The following ADNP variants were observed in gnomAD, a reference collection of about 807,000 sequenced individuals.
The protein encoded by ADNP is activity-dependent neuroprotector homeobox protein.
In ADNP, 4 loss-of-function variants were observed where a neutral mutation model predicts 84.9. The observed-to-expected ratio is 0.05, with a 90% CI of 0.02 to 0.11. The LOEUF (loss-of-function observed/expected upper bound fraction) is 0.11. Among genes scored for constraint, ADNP ranks in the 10% least tolerant of loss-of-function variants. The pLI, the probability that ADNP is intolerant of heterozygous loss-of-function variation, is 1.00. For synonymous variants in ADNP, 554 were observed against 468.1 expected (o/e 1.18, Z -2.37); for missense variants, 1,132 against 1,326.0 (o/e 0.85, Z 2.27).
chr20:50,900,823 C>A (rs577696221), intron 5 of ADNP, among the ~76,000 whole-genome samples: 1 of 152,162 alleles, frequency 6.6e-6, no homozygotes, highest in Non-Finnish European at 1.5e-5. Flanking sequence ...AGATTCAGCG[C>A]TGATCAAAAG....
intron 5 of ADNP, 30 bp downstream of exon 5, chr20:50,901,987 C>T: frequency 4.6e-6 from 7 of 1,507,684 alleles, no homozygotes; most frequent in Non-Finnish European, 6.5e-6. Flanking sequence ...AAGCATGCTG[C>T]CATCTGAGGA....
At chr20:50,919,778 G>C (rs1983814716) in intron 2 of ADNP, among the ~76,000 whole-genome samples, 1 of 152,132 alleles carries the variant, frequency 6.6e-6, no homozygotes, top group Non-Finnish European at 1.5e-5. Flanking sequence ...GGTGTTCTAG[G>C]AACTTCTTGC....
At chr20:50,914,516 T>C in intron 2 of ADNP, 1 of 285,742 alleles carries the variant, frequency 3.5e-6, no homozygotes, top group South Asian at 7.7e-5. Context: ...CAAAGTCTTA[T>C]AAACATGTTG....
chr20:50,925,290 ACT>A (rs1491015862), intron 2 of ADNP, among the ~76,000 whole-genome samples: 1 of 150,836 alleles, frequency 6.6e-6, no homozygotes, highest in East Asian at 1.9e-4. Flanking sequence ...ACACACACAC[ACT>A]ACATAATCAA....
intron 5 of ADNP, among the ~76,000 whole-genome samples, chr20:50,901,277 T>C (rs1981948428): frequency 6.9e-6 from 1 of 144,730 alleles, no homozygotes; most frequent in Non-Finnish European, 1.5e-5. Flanking sequence ...CTGGAAAGCA[T>C]TCTCATTCTA....
At chr20:50,910,813 T>A (rs1335699515) in intron 2 of ADNP, among the ~76,000 whole-genome samples, 2 of 152,016 alleles carry the variant, frequency 1.3e-5, no homozygotes, top group Admixed American at 6.6e-5. Context: ...CGCCACCACA[T>A]TCAGCTAATT....
In ADNP at chr20:50,890,734, CG is replaced by C. The variant is rs2122728036; in HGVS notation, c.*670del. The C allele has an allele frequency of 6.1e-6, 1 of 164,308 alleles. No individual in the cohort carries two copies. Among genetic ancestry groups the C allele is most frequent in the Admixed American group, 6.5e-5 (1 of 15,310 alleles). 10.2% of individuals were successfully genotyped at this position (164,308 alleles called of 1,614,324 possible). ...CAAGAGAGTCCAGATATATATCTTA[CG>C]TGGCTGGCCTCTGTTGCAAGATTGT... On this transcript the variant is annotated 3_prime_UTR_variant, in exon 6 of 6. Coordinates refer to ENST00000621696, the MANE Select transcript of ADNP (RefSeq NM_001282531.3).
At chr20:50,896,680 T>C (rs75631202) in intron 5 of ADNP, among the ~76,000 whole-genome samples, 2,056 of 152,316 alleles carry the variant, frequency 0.013, 43 homozygotes, top group African/African-American at 0.047. Flanking sequence ...CACCTTTACA[T>C]CTTGTCCCAC....
Position 50,892,925 on chromosome 20 carries a change from C to A in ADNP, c.1789G>T (p.Val597Phe). Residue 597 changes from valine to phenylalanine, a missense_variant, in exon 6 of 6, where the codon GTT becomes TTT. Around this residue, in one of 10 missense-constraint regions of ADNP, gnomAD observed 53 missense variants for 39.8 expected, o/e 1.33. Transcript: ENST00000621696. ...ACAGGGATATCTGCCTTTTCCTGAACCTTTGGCTGTGGCTTTGGAGGAACT... is the reference window on the plus strand; with the variant it reads ...ACAGGGATATCTGCCTTTTCCTGAAACTTTGGCTGTGGCTTTGGAGGAACT... ...PPVPPKPQPK[V>F]QEKADIPVKS... 1 of 1,614,210 alleles carries A rather than the reference C, an allele frequency of 6.2e-7. No homozygotes were observed. Among genetic ancestry groups the A allele is most frequent in the East Asian group, 2.2e-5 (1 of 44,886 alleles).
rs909316388 is a variant in ADNP at position 50,895,119 on chromosome 20, C to G, written c.202-607G>C. ...TTGCAGCTAGAAATAACAAGAATAA[C>G]CTAAATGAAGGAAGTTACTAAAGAC... On this transcript the variant is annotated intron_variant, in intron 5 of 5. Transcript: ENST00000621696. Among the ~76,000 whole-genome samples the G allele has an allele frequency of 2.0e-5, 3 of 152,082 alleles. No homozygotes were observed. In the East Asian group the frequency reaches 5.8e-4, roughly 29 times the overall value.
intron 5 of ADNP, among the ~76,000 whole-genome samples, chr20:50,899,449 G>A (rs549757019): frequency 2.6e-5 from 4 of 152,144 alleles, no homozygotes; most frequent in South Asian, 2.1e-4. Flanking sequence ...GACCTCAGGC[G>A]ATCCACCTGC....
At chr20:50,913,760 C>A in intron 2 of ADNP, 1 of 427,336 alleles carries the variant, frequency 2.3e-6, no homozygotes, top group Non-Finnish European at 4.5e-6. Context: ...TTATGGTCTG[C>A]AACTTGGCCT....
At chr20:50,920,149 C>A (rs906403337) in intron 2 of ADNP, among the ~76,000 whole-genome samples, 2 of 150,452 alleles carry the variant, frequency 1.3e-5, no homozygotes, top group Non-Finnish European at 2.9e-5. Context: ...TGGTGGTGTG[C>A]GCCTGTAATC....
chr20:50,903,281 G>A (rs961342562), intron 4 of ADNP, among the ~76,000 whole-genome samples: 2 of 152,166 alleles, frequency 1.3e-5, no homozygotes, highest in Non-Finnish European at 2.9e-5. Context: ...ATCCCACAGA[G>A]CTGTTATAAA....
At chr20:50,929,571 TGCGCCCCC>T (rs1158227658) in intron 1 of ADNP, among the ~76,000 whole-genome samples, 8 of 152,176 alleles carry the variant, frequency 5.3e-5, no homozygotes, top group Admixed American at 5.2e-4. Flanking sequence ...GTGCAGAGAA[TGCGCCCCC>T]TACTGACTCC....
chr20:50,890,131 TAAAAA>T lies in ADNP; in HGVS notation c.*1269_*1273del, dbSNP rs150489825. 1.1e-3 allele frequency: 92 copies of T among 81,172 alleles called. No homozygotes were observed. Among genetic ancestry groups the T allele is most frequent in the African/African-American group, 2.2e-3 (57 of 25,912 alleles). The allele number at this position is 81,172 out of a possible 1,614,324, so 5.0% of individuals were successfully genotyped here. On this transcript the variant is annotated 3_prime_UTR_variant, in exon 6 of 6. Transcript: ENST00000621696. ...AACTCAAGGGTGTTTGTTTTTCAGTTAAAAAAAAAAAAAAAAAAAAAAAAAAAAAA... is the reference window on the plus strand; with the variant it reads ...AACTCAAGGGTGTTTGTTTTTCAGTTAAAAAAAAAAAAAAAAAAAAAAAAA...
chr20:50,925,611 T>C (rs1313463597), intron 2 of ADNP, among the ~76,000 whole-genome samples: 1 of 152,080 alleles, frequency 6.6e-6, no homozygotes, highest in Non-Finnish European at 1.5e-5. Flanking sequence ...ACAATCAAGG[T>C]GGAAAGTGCC....
intron 2 of ADNP, among the ~76,000 whole-genome samples, chr20:50,919,466 T>C (rs949166027): frequency 1.1e-4 from 16 of 151,998 alleles, no homozygotes; most frequent in East Asian, 1.9e-4. Context: ...TTGGTTTTTT[T>C]CCCTGCTGTA....
chr20:50,930,355 C>A (rs535557349), intron 1 of ADNP, among the ~76,000 whole-genome samples: 78 of 152,202 alleles, frequency 5.1e-4, no homozygotes, highest in South Asian at 4.8e-3. Context: ...CCCCGCCCCC[C>A]CCAACCCCGT....
Sources: gnomAD v4.1 joint callset for allele counts (sites outside exome capture counted in the v4.1 genomes callset) on GRCh38, gnomAD v4.1.1 for gene constraint, gnomAD v4.1.1 regional missense constraint, MANE v1.5 for transcripts, NCBI Gene and HGNC (gene_info 2026-07-23, HGNC 2026-07-21) for gene names.